PLEKHG1: variants seen among roughly 807,000 people sequenced by gnomAD.
The protein encoded by PLEKHG1 is pleckstrin homology and RhoGEF domain containing G1.
In PLEKHG1, 44 loss-of-function variants were observed where a neutral mutation model predicts 100.8. The ratio of observed to expected loss-of-function variants is 0.44; its 90% CI spans 0.34 to 0.56. The LOEUF is 0.56. Among genes scored for constraint, PLEKHG1 ranks in the 20% least tolerant of loss-of-function variants. The pLI, the probability that PLEKHG1 is intolerant of heterozygous loss-of-function variation, is 0.01. For missense variants in PLEKHG1, 1,545 were observed against 1,720.9 expected (o/e 0.90, Z 1.81); for synonymous variants, 640 against 662.5 (o/e 0.97, Z 0.52).
chr6:150,674,682 T>TCCC (rs71544395), intron 3 of PLEKHG1, among the ~76,000 whole-genome samples: 2 of 104,234 alleles, frequency 1.9e-5, no homozygotes, highest in African/African-American at 3.5e-5. Flanking sequence ...TCTCTCTCTC[T>TCCC]CCCCCCTCTT....
At chr6:150,730,284 G>T (rs886865340) in intron 1 of PLEKHG1, among the ~76,000 whole-genome samples, 1 of 139,798 alleles carries the variant, frequency 7.2e-6, no homozygotes, top group African/African-American at 2.6e-5. Flanking sequence ...ACCAGGGACT[G>T]GTTTCATGGT....
Position 150,660,661 on chromosome 6 carries a change from G to A in PLEKHG1, c.-99+9875G>A, listed in dbSNP as rs112180987. Among the ~76,000 whole-genome samples the A allele has an allele frequency of 8.1e-3, 1,239 of 152,282 alleles. 14 individuals are homozygous for A. The highest frequency in any genetic ancestry group is 0.028 in the African/African-American group (1,182 of 41,540). On this transcript the variant is annotated intron_variant, in intron 3 of 3. Coordinates refer to the PLEKHG1 transcript ENST00000367326. ...AAGCACCTCATACTCAGAGCCAGTT[G>A]TTAAAAACTCCAAACTTTATCTATA... is the stretch of plus-strand genomic sequence containing the variant.
At chr6:150,730,914 A>G (rs1782216317) in intron 1 of PLEKHG1, among the ~76,000 whole-genome samples, 1 of 151,822 alleles carries the variant, frequency 6.6e-6, no homozygotes, top group African/African-American at 2.4e-5. Flanking sequence ...AAAAAAAAAA[A>G]GAACATATTC....
At chr6:150,804,574 G>T (rs56067903) in intron 6 of PLEKHG1, 36 bp from the exon 8 acceptor site, 2 of 1,152,908 alleles carry the variant, frequency 1.7e-6, no homozygotes, top group South Asian at 3.2e-5. Flanking sequence ...AAAATAAAAT[G>T]AAAAAAAAAA....
In PLEKHG1 at chr6:150,813,606, C is replaced by T. The variant is rs186911962; in HGVS notation, c.1278+3872C>T. ...CTGAGTGAAGAGGAAAACCAGCTGG[C>T]GACAGAGGCGTGGGGTGAGGGACTG... On this transcript the variant is annotated intron_variant, in intron 10 of 15. Coordinates refer to ENST00000358517, the Ensembl canonical transcript of PLEKHG1. 3.1e-3 allele frequency among the ~76,000 whole-genome samples: 475 copies of T among 152,122 alleles called. 7 individuals are homozygous for T. Among genetic ancestry groups the T allele is most frequent in the African/African-American group, 0.011 (453 of 41,506 alleles).
intron 1 of PLEKHG1, among the ~76,000 whole-genome samples, chr6:150,604,588 G>T (rs1562376964): frequency 6.6e-6 from 1 of 152,158 alleles, no homozygotes; most frequent in Non-Finnish European, 1.5e-5. Flanking sequence ...TTTTCGTTGA[G>T]ACCCAAGATG....
rs546012131 is a variant in PLEKHG1 at position 150,690,330 on chromosome 6, C to T, written c.-99+39544C>T. 2.6e-5 allele frequency among the ~76,000 whole-genome samples: 4 copies of T among 151,938 alleles called. No individual in the cohort carries two copies. The South Asian group carries it at 8.3e-4, about 32-fold the overall frequency. ...CCCATCACCCAAGCAGCATACACTG[C>T]ACCACATCTTGGCCCCACCAACATC... is the stretch of plus-strand genomic sequence containing the variant. On this transcript the variant is annotated intron_variant, in intron 3 of 3. Transcript: ENST00000367326.
rs548085358 is a variant in PLEKHG1 at position 150,657,458 on chromosome 6, TATTA to T, written c.-99+6678_-99+6681del. 1.7e-3 allele frequency among the ~76,000 whole-genome samples: 255 copies of T among 152,378 alleles called. No homozygotes were observed. In the Middle Eastern group the frequency reaches 0.024, roughly 14 times the overall value. ...TTATTTTCTGTTGGTTGGTTACAAT[TATTA>T]ATTAAGTCAAAATTGTTTAATTGTT... On this transcript the variant is annotated intron_variant, in intron 3 of 3. Transcript: ENST00000367326.
chr6:150,820,256 A>G (rs1026050954), intron 12 of PLEKHG1, among the ~76,000 whole-genome samples: 4 of 152,262 alleles, frequency 2.6e-5, no homozygotes, highest in African/African-American at 9.6e-5. Context: ...GTGACTATCA[A>G]GCATGCCAGT....
upstream of PLEKHG1, among the ~76,000 whole-genome samples, chr6:150,719,172 T>G (rs927879359): frequency 2.0e-5 from 3 of 152,126 alleles, no homozygotes; most frequent in Non-Finnish European, 4.4e-5. Flanking sequence ...ACTTTTCTGG[T>G]GGGTAAGCTT....
At chr6:150,712,310 C>A (rs1781269519) in intron 3 of PLEKHG1, among the ~76,000 whole-genome samples, 1 of 152,144 alleles carries the variant, frequency 6.6e-6, no homozygotes. Flanking sequence ...GGCAGCCAGG[C>A]AGGGAGCGGA....
intron 5 of PLEKHG1, among the ~76,000 whole-genome samples, chr6:150,799,367 A>C (rs1786554975): frequency 6.6e-6 from 1 of 152,138 alleles, no homozygotes; most frequent in Non-Finnish European, 1.5e-5. Context: ...CACTATCTTC[A>C]TACCAGTCAC....
intron 1 of PLEKHG1, among the ~76,000 whole-genome samples, chr6:150,637,132 T>A (rs897529031): frequency 3.3e-5 from 5 of 152,226 alleles, no homozygotes; most frequent in African/African-American, 9.6e-5. Context: ...TATTTCTTAT[T>A]TCTATAGCCA....
At chr6:150,675,613 C>T (rs1047983531) in intron 3 of PLEKHG1, among the ~76,000 whole-genome samples, 2 of 152,180 alleles carry the variant, frequency 1.3e-5, no homozygotes, top group African/African-American at 4.8e-5. Context: ...CGGAGTCTCC[C>T]TCTGTCACCC....
chr6:150,678,417 C>T (rs946778747), intron 3 of PLEKHG1, among the ~76,000 whole-genome samples: 6 of 152,022 alleles, frequency 3.9e-5, no homozygotes, highest in Admixed American at 1.3e-4. Context: ...ACTCTTTATG[C>T]CATTAATATA....
At chr6:150,765,320 C>A (rs536640808) in intron 2 of PLEKHG1, among the ~76,000 whole-genome samples, 1 of 150,690 alleles carries the variant, frequency 6.6e-6, no homozygotes, top group South Asian at 2.1e-4. Flanking sequence ...TGGTGAAACC[C>A]CGTCTCTGCT....
intron 3 of PLEKHG1, among the ~76,000 whole-genome samples, chr6:150,710,555 A>C (rs1377712266): frequency 6.6e-6 from 1 of 152,176 alleles, no homozygotes; most frequent in Non-Finnish European, 1.5e-5. Context: ...AGACTGATAC[A>C]TGCAGGTGAG....
At chr6:150,715,448 G>A (rs911504144) in intron 3 of PLEKHG1, among the ~76,000 whole-genome samples, 5 of 151,266 alleles carry the variant, frequency 3.3e-5, no homozygotes, top group African/African-American at 7.3e-5. Flanking sequence ...ACCTTTTGGC[G>A]TGCAATTGAC....
At chr6:150,768,274 C>G (rs961465405) in intron 2 of PLEKHG1, among the ~76,000 whole-genome samples, 2 of 152,268 alleles carry the variant, frequency 1.3e-5, no homozygotes, top group East Asian at 3.9e-4. Context: ...TGGTTTTTCA[C>G]TATATGAATT....
Sources: allele counts gnomAD v4.1 joint callset (sites outside exome capture counted in the v4.1 genomes callset), GRCh38; gene constraint gnomAD v4.1.1; transcripts MANE v1.5; gene names NCBI Gene and HGNC (gene_info 2026-07-23, HGNC 2026-07-21).